The following CADM2 variants were observed in gnomAD, a reference collection of about 807,000 sequenced individuals.
The protein encoded by CADM2 is immunoglobulin superfamily member 4D.
Under a neutral mutation model 49.8 loss-of-function variants are expected in CADM2, and 12 were observed. The ratio of observed to expected loss-of-function variants is 0.24; its 90% CI spans 0.15 to 0.39. CADM2 has a LOEUF of 0.39. CADM2 is among the 10% of genes least tolerant of loss of function. The probability of loss-of-function intolerance (pLI) is 1.00; values close to 1 mark genes in which losing one functional copy is unlikely to be tolerated. For synonymous variants in CADM2, 214 were observed against 175.4 expected (o/e 1.22, Z -1.74); for missense variants, 378 against 492.3 (o/e 0.77, Z 2.20).
chr3:85,301,671 C>T (rs2044104492), intron 1 of CADM2, among the ~76,000 whole-genome samples: 1 of 151,876 alleles, frequency 6.6e-6, no homozygotes, highest in South Asian at 2.1e-4. Context: ...CTGCTGTATA[C>T]GAATGAAAGG....
chr3:85,592,470 C>A (rs1216262479), intron 1 of CADM2, among the ~76,000 whole-genome samples: 1 of 151,980 alleles, frequency 6.6e-6, no homozygotes, highest in Non-Finnish European at 1.5e-5. Context: ...AAAAAAATTA[C>A]TGTAACCACA....
intron 1 of CADM2, among the ~76,000 whole-genome samples, chr3:85,154,105 C>G (rs2040020807): frequency 6.6e-6 from 1 of 152,190 alleles, no homozygotes; most frequent in African/African-American, 2.4e-5. Flanking sequence ...CTTTGATGAG[C>G]TGAGAGAAGA....
chr3:86,069,507 C>T lies in CADM2; in HGVS notation c.*2724C>T, dbSNP rs1739653347. On this transcript the variant is annotated 3_prime_UTR_variant, in exon 10 of 10. Coordinates refer to ENST00000383699, the MANE Select transcript of CADM2 (RefSeq NM_001167675.2). Reference sequence around the variant, plus strand: ...CTTTAAAAATTATTTAATTTTCAACCAAACAAAAAATAAATTGTAAAAATT... The same window carrying T: ...CTTTAAAAATTATTTAATTTTCAACTAAACAAAAAATAAATTGTAAAAATT... 1 of 151,788 alleles carries T rather than the reference C, an allele frequency of 6.6e-6. No individual in the cohort carries two copies. Among genetic ancestry groups the T allele is most frequent in the African/African-American group, 2.4e-5 (1 of 41,376 alleles). The allele number at this position is 151,788 out of a possible 1,614,324, so 9.4% of individuals were successfully genotyped here.
At chr3:85,126,068 A>C (rs1195497049) in intron 1 of CADM2, among the ~76,000 whole-genome samples, 1 of 152,212 alleles carries the variant, frequency 6.6e-6, no homozygotes, top group South Asian at 2.1e-4. Flanking sequence ...ATAATTAAAC[A>C]TAAATAAAAA....
At chr3:85,421,035 C>T (rs748959017) in intron 1 of CADM2, among the ~76,000 whole-genome samples, 4 of 152,008 alleles carry the variant, frequency 2.6e-5, no homozygotes, top group Non-Finnish European at 5.9e-5. Flanking sequence ...ACCCAAAGCA[C>T]AGTGTGAATG....
At position 84,963,881 on chromosome 3, in the gene CADM2, A is replaced by G. The variant is rs530718223; in HGVS notation, c.61+4213A>G. Reference sequence around the variant, plus strand: ...TCTTATGCCAAATGCAGTTCTTGAAATACAGTTTTCTCACTCCCTTTTTTG... The same window carrying G: ...TCTTATGCCAAATGCAGTTCTTGAAGTACAGTTTTCTCACTCCCTTTTTTG... On this transcript the variant is annotated intron_variant, in intron 1 of 9. Coordinates refer to ENST00000383699, the MANE Select transcript of CADM2 (RefSeq NM_001167675.2). Among the ~76,000 whole-genome samples the G allele has an allele frequency of 6.6e-5, 10 of 151,842 alleles. 1 individual carries two copies. The South Asian group carries it at 2.1e-3, about 31-fold the overall frequency.
At chr3:85,919,232 T>C (rs992393317) in intron 6 of CADM2, among the ~76,000 whole-genome samples, 6 of 152,056 alleles carry the variant, frequency 3.9e-5, no homozygotes, top group Admixed American at 2.0e-4. Flanking sequence ...AGTACTTCTT[T>C]TAACAGTACT....
chr3:85,578,964 G>A (rs567753317), intron 1 of CADM2, among the ~76,000 whole-genome samples: 2 of 152,292 alleles, frequency 1.3e-5, no homozygotes, highest in Admixed American at 6.5e-5. Context: ...CAGCCACGGT[G>A]TTGCAAGTAT....
chr3:86,000,308 G>A (rs1371464330), intron 8 of CADM2, among the ~76,000 whole-genome samples: 1 of 152,090 alleles, frequency 6.6e-6, no homozygotes, highest in Non-Finnish European at 1.5e-5. Context: ...TCTAAATAAT[G>A]GCTGTGCAAA....
At position 85,580,506 on chromosome 3, in the gene CADM2, T is replaced by C. The variant is rs1353515751; in HGVS notation, c.62-146016T>C. Among the ~76,000 whole-genome samples, 3 of 152,180 alleles carry C rather than the reference T, an allele frequency of 2.0e-5. No homozygotes were observed. In the South Asian group the frequency reaches 6.2e-4, roughly 32 times the overall value. On this transcript the variant is annotated intron_variant, in intron 1 of 9. Transcript: ENST00000383699. ...TATTGGAATGAAAGGGTGATGCGGGTGGTAAAGGTGGCTTGTGGCCAAAAA... is the reference window on the plus strand; with the variant it reads ...TATTGGAATGAAAGGGTGATGCGGGCGGTAAAGGTGGCTTGTGGCCAAAAA...
intron 1 of CADM2, among the ~76,000 whole-genome samples, chr3:85,149,233 TA>T (rs2039846103): frequency 6.6e-6 from 1 of 152,088 alleles, no homozygotes. Flanking sequence ...GTGCCAGTAT[TA>T]AGAGGTGAGA....
intron 1 of CADM2, among the ~76,000 whole-genome samples, chr3:85,681,021 A>G (rs1279311965): frequency 6.6e-6 from 1 of 152,194 alleles, no homozygotes; most frequent in Non-Finnish European, 1.5e-5. Context: ...ATCAGACAGT[A>G]AATGAGAAGA....
At chr3:86,036,758 CA>C (rs1251146561) in intron 8 of CADM2, among the ~76,000 whole-genome samples, 1 of 152,122 alleles carries the variant, frequency 6.6e-6, no homozygotes, top group Non-Finnish European at 1.5e-5. Context: ...GGCTGCTGTG[CA>C]AATTAAAGAA....
intron 2 of CADM2, among the ~76,000 whole-genome samples, chr3:85,741,962 T>G (rs1269973694): frequency 2.0e-5 from 3 of 152,188 alleles, no homozygotes; most frequent in African/African-American, 7.2e-5. Flanking sequence ...TTTTACTTCT[T>G]TAGAACTTCT....
intron 1 of CADM2, among the ~76,000 whole-genome samples, chr3:85,225,167 G>A (rs763540003): frequency 1.1e-4 from 17 of 151,994 alleles, no homozygotes; most frequent in Admixed American, 4.6e-4. Context: ...TGGGGATAGC[G>A]TTGAATCCAT....
intron 1 of CADM2, among the ~76,000 whole-genome samples, chr3:85,302,137 T>A (rs998821002): frequency 1.3e-5 from 2 of 152,074 alleles, no homozygotes; most frequent in Non-Finnish European, 2.9e-5. Flanking sequence ...ATGGAATATT[T>A]TGCCTCTATG....
chr3:85,103,562 T>C (rs1157354036), intron 1 of CADM2, among the ~76,000 whole-genome samples: 3 of 152,138 alleles, frequency 2.0e-5, no homozygotes, highest in Non-Finnish European at 4.4e-5. Context: ...CCAAATGTAA[T>C]AATGGAGGCA....
intron 8 of CADM2, among the ~76,000 whole-genome samples, chr3:86,025,294 T>C (rs895086438): frequency 2.0e-5 from 3 of 152,094 alleles, no homozygotes; most frequent in Non-Finnish European, 4.4e-5. Context: ...TGACCTGAGG[T>C]GATCTGCCCG....
At chr3:86,033,954 T>G (rs1326731844) in intron 8 of CADM2, among the ~76,000 whole-genome samples, 1 of 151,512 alleles carries the variant, frequency 6.6e-6, no homozygotes, top group African/African-American at 2.4e-5. Flanking sequence ...TCTACATTGT[T>G]TTTGAAACCA....
Sources: allele counts gnomAD v4.1 joint callset (sites outside exome capture counted in the v4.1 genomes callset), GRCh38; gene constraint gnomAD v4.1.1; transcripts MANE v1.5; gene names NCBI Gene and HGNC (gene_info 2026-07-23, HGNC 2026-07-21).